LFNG: variants seen among roughly 807,000 people sequenced by gnomAD.
LFNG encodes beta-1,3-N-acetylglucosaminyltransferase lunatic fringe.
A neutral mutation model predicts 32.7 loss-of-function variants in LFNG; 15 were observed. The observed-to-expected ratio is 0.46, with a 90% confidence interval of 0.31 to 0.71. LFNG has a LOEUF of 0.71. Among genes scored for constraint, LFNG ranks in the 30% least tolerant of loss-of-function variants. The pLI is 0.06. For synonymous variants in LFNG, 274 were observed against 246.8 expected (o/e 1.11, Z -1.03); for missense variants, 520 against 545.7 (o/e 0.95, Z 0.47).
At chr7:2,521,337 G>C (rs1012328631) in intron 1 of LFNG, among the ~76,000 whole-genome samples, 1 of 152,186 alleles carries the variant, frequency 6.6e-6, no homozygotes, top group Non-Finnish European at 1.5e-5. Flanking sequence ...GCTGGCGGGA[G>C]GGGGCGGCGG....
At chr7:2,525,098 G>C in intron 2 of LFNG, 121 bp from the exon 3 acceptor site, 4 of 898,320 alleles carry the variant, frequency 4.5e-6, no homozygotes, top group Non-Finnish European at 7.0e-6. Flanking sequence ...GGCTACGGCC[G>C]CCGGGCCCAG....
At chr7:2,513,079 C>A (rs372236698), upstream of LFNG, 1 of 1,433,702 alleles carries the variant, frequency 7.0e-7, no homozygotes, top group East Asian at 2.3e-5. Flanking sequence ...GGTTCTCCCT[C>A]GTCTGGGCCC....
In LFNG at chr7:2,520,248, C is replaced by A. The variant is rs1028266126; in HGVS notation, c.387C>A (p.Arg129=). 13 of 1,610,156 alleles carry A rather than the reference C, an allele frequency of 8.1e-6. No homozygotes were observed. In the African/African-American group the frequency reaches 1.6e-4, roughly 20 times the overall value. The change falls in exon 1 of 8, where the codon CGC becomes CGA. Residue 129 remains arginine (R), a synonymous_variant. Transcript: ENST00000222725. The surrounding 1 kb of genome is among the most constrained non-coding windows in gnomAD (Gnocchi z 5.0). The part of the protein sequence containing the change: ...VKTTKKFHRA[R]LDLLLETWIS... ...CCACCAAAAAGTTCCACCGCGCGCG[C>A]CTCGACCTGCTGCTGGAGACCTGGA... is the stretch of plus-strand genomic sequence containing the variant.
intron 1 of LFNG, among the ~76,000 whole-genome samples, chr7:2,523,274 C>G (rs575301944): frequency 1.3e-5 from 2 of 152,270 alleles, no homozygotes; most frequent in East Asian, 1.9e-4. Flanking sequence ...GTGTGGCTGC[C>G]CTGGGGTGTC....
upstream of LFNG, among the ~76,000 whole-genome samples, chr7:2,514,928 T>A (rs13244880): frequency 8.7e-5 from 12 of 138,634 alleles, no homozygotes; most frequent in South Asian, 2.4e-4. Context: ...TCACCTATCC[T>A]TCCATCCATC....
At chr7:2,519,567 G>C (rs971220357), upstream of LFNG, among the ~76,000 whole-genome samples, 5 of 150,924 alleles carry the variant, frequency 3.3e-5, no homozygotes, top group Non-Finnish European at 5.9e-5. Context: ...GGGGCGGGGG[G>C]GGTGCGGGGC....
At chr7:2,514,840 A>ATCCATTCATCTG (rs1562548643), upstream of LFNG, among the ~76,000 whole-genome samples, 7 of 149,494 alleles carry the variant, frequency 4.7e-5, no homozygotes, top group Admixed American at 6.6e-5. Flanking sequence ...CCATCCATCC[A>ATCCATTCATCTG]TCCATCCATC....
At chr7:2,514,467 T>C (rs535924267), upstream of LFNG, among the ~76,000 whole-genome samples, 10 of 152,344 alleles carry the variant, frequency 6.6e-5, no homozygotes, top group South Asian at 2.1e-3. Context: ...TCTATGTGTC[T>C]GTCCATCTAT....
At position 2,526,216 on chromosome 7, in the gene LFNG, C is replaced by T. The variant is rs375815518; in HGVS notation, c.822-28C>T. 6 of 1,611,812 alleles carry T rather than the reference C, an allele frequency of 3.7e-6. No homozygotes were observed. Among genetic ancestry groups the T allele is most frequent in the East Asian group, 4.5e-5 (2 of 44,874 alleles). On this transcript the variant is annotated intron_variant, in intron 5 of 7. Transcript: ENST00000222725. The surrounding 1 kb of genome is among the most constrained non-coding windows in gnomAD (Gnocchi z 6.9). ...CCAGCAGATGGCTCCCGCCTCTGCT[C>T]ACTGGTCTGGGCCCTTCCCTCCCGC... is the stretch of plus-strand genomic sequence containing the variant.
At chr7:2,513,402 C>G, upstream of LFNG, 2 of 1,445,356 alleles carry the variant, frequency 1.4e-6, no homozygotes, top group Non-Finnish European at 1.9e-6. Flanking sequence ...TCCTTTGATG[C>G]TGTATCGTCT....
At position 2,528,001 on chromosome 7, in the gene LFNG, T is replaced by A; in HGVS notation, c.*789T>A. On this transcript the variant is annotated 3_prime_UTR_variant, in exon 8 of 8. Transcript: ENST00000222725. ...CGTGTCTGTAAATATTGTGACAGTATTTTTTTACTGTGCTGTTTTTTTTGA... is the reference window on the plus strand; with the variant it reads ...CGTGTCTGTAAATATTGTGACAGTAATTTTTTACTGTGCTGTTTTTTTTGA... The A allele has an allele frequency of 1.0e-6, 1 of 984,800 alleles. No individual in the cohort carries two copies. The highest frequency in any genetic ancestry group is 1.2e-6 in the Non-Finnish European group (1 of 829,652). The allele number at this position is 984,800 out of a possible 1,614,324, so 61.0% of individuals were successfully genotyped here.
chr7:2,518,650 G>T (rs1325398147), upstream of LFNG: 8 of 1,600,304 alleles, frequency 5.0e-6, no homozygotes, highest in Admixed American at 8.5e-5. Context: ...GCCATCTCAG[G>T]CGTGAACATA....
upstream of LFNG, chr7:2,513,060 C>A: frequency 8.4e-7 from 1 of 1,196,004 alleles, no homozygotes; most frequent in Non-Finnish European, 1.2e-6. Context: ...CCAGCCCCAG[C>A]CCACAGTGGG....
intron 1 of LFNG, chr7:2,512,767 T>TG (rs764704402): frequency 1.9e-5 from 27 of 1,448,764 alleles, no homozygotes; most frequent in Admixed American, 8.6e-5. Context: ...CTCGTGAACC[T>TG]GGAGCCCCCT....
At chr7:2,524,156 T>A (rs542196881) in intron 1 of LFNG, among the ~76,000 whole-genome samples, 1 of 152,278 alleles carries the variant, frequency 6.6e-6, no homozygotes, top group East Asian at 1.9e-4. Flanking sequence ...AGGCCCTTTG[T>A]CCGCCAGGGC....
upstream of LFNG, among the ~76,000 whole-genome samples, chr7:2,519,474 G>A (rs955760397): frequency 1.3e-5 from 2 of 152,042 alleles, no homozygotes; most frequent in African/African-American, 4.8e-5. Context: ...GGACGGCGCT[G>A]GCCAGGCTGG....
chr7:2,519,614 T>C (rs1040295956), upstream of LFNG, among the ~76,000 whole-genome samples: 2 of 149,176 alleles, frequency 1.3e-5, no homozygotes, highest in African/African-American at 4.9e-5. Flanking sequence ...CGCTGCGCCC[T>C]CTGGGCAGTT....
chr7:2,527,796 C>T lies in LFNG; in HGVS notation c.*584C>T, dbSNP rs1031189723. ...CCACCGCCCAGTTCCAGTGGCCCCA[C>T]GAAGCCCCCAGTGGCTGGCTGTCCA... On this transcript the variant is annotated 3_prime_UTR_variant, in exon 8 of 8. Transcript: ENST00000222725. The surrounding 1 kb of genome is among the most constrained non-coding windows in gnomAD (Gnocchi z 4.4). 3 of 1,002,936 alleles carry T rather than the reference C, an allele frequency of 3.0e-6. No individual in the cohort carries two copies. The highest frequency in any genetic ancestry group is 3.6e-6 in the Non-Finnish European group (3 of 839,026). The allele number at this position is 1,002,936 out of a possible 1,614,324, so 62.1% of individuals were successfully genotyped here. A position where few individuals can be genotyped will look rare whatever the true frequency, so the allele number is the denominator to read the frequency against.
Position 2,520,108 on chromosome 7 carries a change from C to A in LFNG, c.247C>A (p.Arg83Ser), listed in dbSNP as rs1779744210. 1 of 1,347,404 alleles carries A rather than the reference C, an allele frequency of 7.4e-7. No homozygotes were observed. Among genetic ancestry groups the A allele is most frequent in the Non-Finnish European group, 9.6e-7 (1 of 1,039,468 alleles). The allele number at this position is 1,347,404 out of a possible 1,614,324, so 83.5% of individuals were successfully genotyped here. A position where few individuals can be genotyped will look rare whatever the true frequency, so the allele number is the denominator to read the frequency against. Reference sequence around the variant, plus strand: ...GTCCGAGTACTTCAGCCTGCTCACCCGCGCGCGCAGAGATGCGGGCCCGCC... The same window carrying A: ...GTCCGAGTACTTCAGCCTGCTCACCAGCGCGCGCAGAGATGCGGGCCCGCC... ...SLSEYFSLLTRARRDAGPPPG... is the reference protein window; with the variant it reads ...SLSEYFSLLTSARRDAGPPPG... The change falls in exon 1 of 8, where the codon CGC becomes AGC. Residue 83 changes from arginine to serine, a missense_variant. Transcript: ENST00000222725. This position sits in a 1 kb window ranked among gnomAD's most constrained non-coding sequence, Gnocchi z 5.0.
Sources: allele counts gnomAD v4.1 joint callset (sites outside exome capture counted in the v4.1 genomes callset), GRCh38; gene constraint gnomAD v4.1.1; non-coding constraint Gnocchi (gnomAD v3.1); transcripts MANE v1.5; gene names NCBI Gene and HGNC (gene_info 2026-07-23, HGNC 2026-07-21).